Variants in GLRA2 observed in about 807,000 individuals in gnomAD.
The protein encoded by GLRA2 is glycine receptor alpha 2.
GLRA2 carries 11 observed loss-of-function variants against 31.6 expected under a neutral mutation model. The ratio of observed to expected loss-of-function variants is 0.35; its 90% CI spans 0.22 to 0.58. The LOEUF is 0.58. GLRA2 is among the 20% of genes least tolerant of loss of function. The probability of loss-of-function intolerance (pLI) is 0.84; values close to 1 mark genes in which losing one functional copy is unlikely to be tolerated. For synonymous variants in GLRA2, 132 were observed against 134.0 expected (o/e 0.99, Z 0.10); for missense variants, 212 against 351.8 (o/e 0.60, Z 3.18).
the GLRA2 span, among the ~76,000 whole-genome samples, chrX:14,510,432 T>C: frequency 9.0e-6 from 1 of 111,721 alleles, no homozygotes; most frequent in Non-Finnish European, 1.9e-5. Flanking sequence ...TGAAGCCTAA[T>C]TTTTGCAGTC....
chrX:14,518,277 T>A, the GLRA2 span, among the ~76,000 whole-genome samples: 4 of 112,169 alleles, frequency 3.6e-5, no homozygotes, highest in Non-Finnish European at 5.6e-5. Context: ...GGCAAGAGCA[T>A]AAATTTTATA....
At chrX:14,499,874 A>T in the GLRA2 span, among the ~76,000 whole-genome samples, 248 of 111,509 alleles carry the variant, frequency 2.2e-3, 1 homozygote, top group African/African-American at 7.9e-3. Context: ...TTTTTTTTTA[A>T]AAAAATTTAT....
the GLRA2 span, among the ~76,000 whole-genome samples, chrX:14,504,029 C>T: frequency 1.9e-4 from 21 of 111,033 alleles, no homozygotes; most frequent in East Asian, 5.4e-3. Flanking sequence ...TCAAAACTAC[C>T]GGGACACTTC....
chrX:14,677,602 A>G (rs1323675956), intron 7 of GLRA2, among the ~76,000 whole-genome samples: 2 of 112,420 alleles, frequency 1.8e-5, no homozygotes, highest in African/African-American at 3.2e-5. Flanking sequence ...AAATGTTTCT[A>G]TGCTGGGAGA....
chrX:14,727,630 T>C (rs748275472), intron 8 of GLRA2, among the ~76,000 whole-genome samples: 12 of 112,476 alleles, frequency 1.1e-4, no homozygotes, highest in African/African-American at 3.9e-4. Flanking sequence ...TATCCAGTTA[T>C]TCCACATTTT....
chrX:14,719,375 A>G (rs181475407), intron 8 of GLRA2, among the ~76,000 whole-genome samples: 7 of 111,847 alleles, frequency 6.3e-5, no homozygotes, highest in Non-Finnish European at 1.3e-4. Flanking sequence ...AAATAATCCA[A>G]TTTAAAAATG....
intron 7 of GLRA2, among the ~76,000 whole-genome samples, chrX:14,634,442 A>G (rs1356994252): frequency 5.3e-5 from 6 of 112,264 alleles, no homozygotes; most frequent in Non-Finnish European, 9.4e-5. Context: ...AAACCAAGGC[A>G]GAAATAATGT....
At chrX:14,504,332 C>G in the GLRA2 span, among the ~76,000 whole-genome samples, 1 of 112,040 alleles carries the variant, frequency 8.9e-6, no homozygotes, top group African/African-American at 3.2e-5. Flanking sequence ...TAATCACATC[C>G]CTTGAGCACT....
At chrX:14,454,190 A>ACACACC in the GLRA2 span, among the ~76,000 whole-genome samples, 4 of 48,496 alleles carry the variant, frequency 8.2e-5, no homozygotes, top group Non-Finnish European at 1.8e-4. Flanking sequence ...CCACACACCC[A>ACACACC]CACACACACA....
intron 7 of GLRA2, among the ~76,000 whole-genome samples, chrX:14,614,538 C>T (rs1372767024): frequency 1.8e-5 from 2 of 111,555 alleles, no homozygotes; most frequent in Non-Finnish European, 3.8e-5. Context: ...TTATTAGGCT[C>T]ACTAAGAACT....
At chrX:14,728,858 C>G (rs996338384) in intron 8 of GLRA2, among the ~76,000 whole-genome samples, 3 of 112,406 alleles carry the variant, frequency 2.7e-5, no homozygotes, top group Non-Finnish European at 5.6e-5. Context: ...ATACTATAAT[C>G]TAATCTACCT....
At chrX:14,498,147 A>C in the GLRA2 span, among the ~76,000 whole-genome samples, 582 of 111,050 alleles carry the variant, frequency 5.2e-3, 5 homozygotes, top group Non-Finnish European at 6.8e-3. Flanking sequence ...CAAAAAAAAA[A>C]CCAACAGGCT....
intron 7 of GLRA2, among the ~76,000 whole-genome samples, chrX:14,682,324 G>T (rs1569521147): frequency 9.0e-6 from 1 of 110,806 alleles, no homozygotes; most frequent in Non-Finnish European, 1.9e-5. Context: ...CACAACACAT[G>T]TGGAACTGAT....
the GLRA2 span, among the ~76,000 whole-genome samples, chrX:14,475,612 C>T: frequency 1.8e-5 from 2 of 111,055 alleles, no homozygotes; most frequent in African/African-American, 6.6e-5. Context: ...AGTTTAAGAA[C>T]CACTGCCTTA....
At chrX:14,625,233 A>G (rs1444435582) in intron 7 of GLRA2, among the ~76,000 whole-genome samples, 1 of 110,864 alleles carries the variant, frequency 9.0e-6, no homozygotes, top group Admixed American at 9.6e-5. Context: ...TTTTGAGCCT[A>G]TGTGTGTCTC....
At chrX:14,485,058 ACT>A in the GLRA2 span, among the ~76,000 whole-genome samples, 1 of 112,088 alleles carries the variant, frequency 8.9e-6, no homozygotes, top group East Asian at 2.8e-4. Context: ...ACTTTTGTTT[ACT>A]CTGATTATTT....
intron 5 of GLRA2, among the ~76,000 whole-genome samples, chrX:14,605,418 G>T (rs774441555): frequency 9.0e-6 from 1 of 111,448 alleles, no homozygotes; most frequent in East Asian, 2.8e-4. Flanking sequence ...TAGATAAAAT[G>T]AAAATTTCTG....
intron 4 of GLRA2, among the ~76,000 whole-genome samples, chrX:14,585,807 A>G (rs914003833): frequency 8.9e-6 from 1 of 112,193 alleles, no homozygotes; most frequent in African/African-American, 3.2e-5. Context: ...AAGGGGCTAG[A>G]AGTACCAAAT....
At chrX:14,681,910 A>AAAAATATATATATAT (rs758563376) in intron 7 of GLRA2, among the ~76,000 whole-genome samples, 3 of 41,278 alleles carry the variant, frequency 7.3e-5, no homozygotes, top group African/African-American at 3.6e-4. Context: ...AAAAAAAAAA[A>AAAAATATATATATAT]ATATATATAT....
Sources: allele counts gnomAD v4.1 joint callset (sites outside exome capture counted in the v4.1 genomes callset), GRCh38; gene constraint gnomAD v4.1.1; transcripts MANE v1.5; gene names NCBI Gene and HGNC (gene_info 2026-07-23, HGNC 2026-07-21).